The following TRIM52 variants were observed in gnomAD, a reference collection of about 807,000 sequenced individuals.
TRIM52 encodes tripartite motif containing 52, also known as E3 ubiquitin-protein ligase TRIM52.
In TRIM52, 24 loss-of-function variants were observed where a neutral mutation model predicts 27.0. That is an observed-to-expected ratio of 0.89 (90% CI 0.64 to 1.25). The LOEUF (loss-of-function observed/expected upper bound fraction) is 1.25. Ranked by LOEUF, TRIM52 falls within the 50% of genes most tolerant of loss-of-function variation. The pLI, the probability that TRIM52 is intolerant of heterozygous loss-of-function variation, is 0.00. For synonymous variants in TRIM52, 125 were observed against 126.5 expected, an observed-to-expected ratio of 0.99 and a Z score of 0.08; for missense variants, 351 against 354.7, an observed-to-expected ratio of 0.99 and a Z score of 0.08.
chr5:181,258,944 A>C (rs953917240), intron 1 of TRIM52: 1 of 152,216 alleles, frequency 6.6e-6, no homozygotes, highest in African/African-American at 2.4e-5. Flanking sequence ...ACTGTAAAGC[A>C]CTACTAAGAC....
Position 181,260,014 on chromosome 5 carries a change from A to T in TRIM52, c.800T>A (p.Val267Glu). 3 of 1,613,758 alleles carry T rather than the reference A, an allele frequency of 1.9e-6. No homozygotes were observed. The highest frequency in any genetic ancestry group is 2.5e-6 in the Non-Finnish European group (3 of 1,180,022). The change falls in exon 1 of 2, where the codon GTG (valine) becomes GAG (glutamate). Residue 267 changes from valine to glutamate, a missense_variant. Transcript: ENST00000688015. This position sits in a 1 kb window ranked among gnomAD's most constrained non-coding sequence, Gnocchi z 4.4. ...QHSVLPLEEV[V>E]QEYQKIGSTS... is the part of the protein sequence containing the mutation. ...CATTTCTCTCACCTGGTACTCCTGCACCACCTCCTCCAAAGGCAGCACGCT... is the reference window on the plus strand; with the variant it reads ...CATTTCTCTCACCTGGTACTCCTGCTCCACCTCCTCCAAAGGCAGCACGCT...
At chr5:181,259,814 T>C in intron 1 of TRIM52, 187 bp downstream of exon 1, 1 of 1,359,270 alleles carries the variant, frequency 7.4e-7, no homozygotes, top group Admixed American at 2.5e-5. Flanking sequence ...TGCCCCAATC[T>C]TCATGGTTTT....
At position 181,256,697 on chromosome 5, in the gene TRIM52, A is replaced by G; in HGVS notation, c.*112T>C. 1.4e-6 allele frequency: 1 copy of G among 698,182 alleles called. No homozygotes were observed. Among genetic ancestry groups the G allele is most frequent in the Non-Finnish European group, 1.8e-6 (1 of 567,496 alleles). 43.2% of individuals were successfully genotyped at this position (698,182 alleles called of 1,614,324 possible). A position where few individuals can be genotyped will look rare whatever the true frequency, so the allele number is the denominator to read the frequency against. On this transcript the variant is annotated 3_prime_UTR_variant, in exon 2 of 2. Transcript: ENST00000688015. Reference sequence around the variant, plus strand: ...TAATATTAAGCTTTCACGGCTTGGAAGATTCCTGTGAATATTTCAATACTG... The same window carrying G: ...TAATATTAAGCTTTCACGGCTTGGAGGATTCCTGTGAATATTTCAATACTG...
intron 1 of TRIM52, 101 bp from the exon 2 acceptor site, chr5:181,256,960 A>T (rs921142887): frequency 1.0e-6 from 1 of 986,286 alleles, no homozygotes; most frequent in East Asian, 1.1e-4. Context: ...AACAAGGAGT[A>T]CTGATGATGG....
At chr5:181,253,921 T>C (rs563243974), downstream of TRIM52, among the ~76,000 whole-genome samples, 2 of 143,026 alleles carry the variant, frequency 1.4e-5, no homozygotes, top group South Asian at 2.2e-4. Context: ...GAGTGAGCTG[T>C]GATTGCACTA....
Position 181,260,914 on chromosome 5 carries a change from T to A in TRIM52, c.-101A>T. The stretch of plus-strand genomic sequence containing the variant: ...AAACTACTCTGGTGACCCGAGGCTG[T>A]CCTCAACCTTGCTCTTCTTCCTCGG... On this transcript the variant is annotated 5_prime_UTR_variant, in exon 1 of 2. Transcript: ENST00000688015. The surrounding 1 kb of genome is among the most constrained non-coding windows in gnomAD (Gnocchi z 4.4). The A allele has an allele frequency of 1.4e-6, 2 of 1,453,324 alleles. No individual in the cohort carries two copies. Among genetic ancestry groups the A allele is most frequent in the Admixed American group, 5.5e-5 (2 of 36,536 alleles). The allele number at this position is 1,453,324 out of a possible 1,614,324, so 90.0% of individuals were successfully genotyped here. A position where few individuals can be genotyped will look rare whatever the true frequency, so the allele number is the denominator to read the frequency against.
Position 181,260,486 on chromosome 5 carries a change from C to T in TRIM52, c.328G>A (p.Gly110Ser). Residue 110 changes from glycine (G) to serine (S), a missense_variant, in exon 1 of 2, where the codon GGT (glycine) becomes AGT (serine). Physicochemically the swap from Gly to Ser is moderately conservative, Grantham distance 56. Coordinates refer to ENST00000688015, the MANE Select transcript of TRIM52 (RefSeq NM_001346048.2). The surrounding 1 kb of genome is among the most constrained non-coding windows in gnomAD (Gnocchi z 4.4). Reference protein sequence around the residue: ...DDDELWLGDSGITNWDNVDYM... With the variant: ...DDDELWLGDSSITNWDNVDYM... ...TCTACGTTGTCCCAATTAGTTATAC[C>T]ACTGTCACCGAGCCAGAGTTCATCG... 6.2e-7 allele frequency: 1 copy of T among 1,613,892 alleles called. No homozygotes were observed. The highest frequency in any genetic ancestry group is 8.5e-7 in the Non-Finnish European group (1 of 1,179,992).
chr5:181,259,482 C>G lies in TRIM52; in HGVS notation c.813+519G>C, dbSNP rs1031704801. The G allele has an allele frequency of 1.0e-4, 15 of 147,542 alleles. No individual in the cohort carries two copies. In the South Asian group the frequency reaches 1.9e-3, roughly 19 times the overall value. The allele number at this position is 147,542 out of a possible 1,614,324, so 9.1% of individuals were successfully genotyped here. The stretch of plus-strand genomic sequence containing the variant: ...CCCACTGAAGGTAGAGATGCAATCC[C>G]AGACTTTCAGAGGGGGGGTGTGGCC... On this transcript the variant is annotated intron_variant, in intron 1 of 1. Coordinates refer to ENST00000688015, the MANE Select transcript of TRIM52 (RefSeq NM_001346048.2).
rs763023671 is a variant in TRIM52 at position 181,260,325 on chromosome 5, T to C, written c.489A>G (p.Glu163=). Residue 163 remains glutamate (E), a synonymous_variant, in exon 1 of 2, where the codon GAA becomes GAG. Transcript: ENST00000688015. The surrounding 1 kb of genome is among the most constrained non-coding windows in gnomAD (Gnocchi z 4.4). ...GCGGGTGGATGTCAGGATACAGCTC[T>C]TCATCTTCGTCCTCATCGTATGCTT... ...ILEAYDEDED[E]ELYPDIHPPP... 3 of 1,614,108 alleles carry C rather than the reference T, an allele frequency of 1.9e-6. No homozygotes were observed. The highest frequency in any genetic ancestry group is 1.1e-5 in the South Asian group (1 of 91,062).
chr5:181,259,984 T>A lies in TRIM52; in HGVS notation c.813+17A>T. 6.2e-7 allele frequency: 1 copy of A among 1,612,982 alleles called. No homozygotes were observed. The highest frequency in any genetic ancestry group is 8.5e-7 in the Non-Finnish European group (1 of 1,179,978). ...TTCCACTCCCTTCATCCCCCCACAT[T>A]CCCTCATTTCTCTCACCTGGTACTC... On this transcript the variant is annotated intron_variant, in intron 1 of 1. Coordinates refer to ENST00000688015, the MANE Select transcript of TRIM52 (RefSeq NM_001346048.2).
In TRIM52 at chr5:181,261,067, C is replaced by G. The variant is rs1760048838; in HGVS notation, c.-254G>C. On this transcript the variant is annotated 5_prime_UTR_variant, in exon 1 of 2. Transcript: ENST00000688015. ...CCAGCTGCTCGGTCCTGTCACGTCTCTCGCTACCCTCAGGGTGTGCCCTAC... is the reference window on the plus strand; with the variant it reads ...CCAGCTGCTCGGTCCTGTCACGTCTGTCGCTACCCTCAGGGTGTGCCCTAC... 1 of 495,462 alleles carries G rather than the reference C, an allele frequency of 2.0e-6. No individual in the cohort carries two copies. The highest frequency in any genetic ancestry group is 1.9e-5 in the African/African-American group (1 of 52,402). 30.7% of individuals were successfully genotyped at this position (495,462 alleles called of 1,614,324 possible). A position where few individuals can be genotyped will look rare whatever the true frequency, so the allele number is the denominator to read the frequency against.
downstream of TRIM52, among the ~76,000 whole-genome samples, chr5:181,252,366 A>T (rs926929135): frequency 1.2e-4 from 19 of 152,228 alleles, no homozygotes; most frequent in African/African-American, 4.6e-4. Flanking sequence ...TAAATTAAAT[A>T]CTATCTTAAA....
intron 1 of TRIM52, chr5:181,259,036 T>C (rs1225922654): frequency 1.3e-5 from 2 of 152,156 alleles, no homozygotes; most frequent in African/African-American, 2.4e-5. Context: ...CTGCTAGGAG[T>C]CAAATCTACC....
At position 181,256,895 on chromosome 5, in the gene TRIM52, C is replaced by G. The variant is rs908231272; in HGVS notation, c.814-36G>C. On this transcript the variant is annotated intron_variant, in intron 1 of 1. Transcript: ENST00000688015. ...ACATGAGTATATACTTGAGAAAAGC[C>G]TCAACATTTTTTTTTGGCTGCCATT... 7 of 985,446 alleles carry G rather than the reference C, an allele frequency of 7.1e-6. No homozygotes were observed. The African/African-American group carries it at 1.2e-4, about 17-fold the overall frequency. 61.0% of individuals were successfully genotyped at this position (985,446 alleles called of 1,614,324 possible). A position where few individuals can be genotyped will look rare whatever the true frequency, so the allele number is the denominator to read the frequency against.
chr5:181,260,823 C>T lies in TRIM52; in HGVS notation c.-10G>A, dbSNP rs769132047. The T allele has an allele frequency of 6.4e-7, 1 of 1,572,304 alleles. No homozygotes were observed. The highest frequency in any genetic ancestry group is 1.2e-5 in the South Asian group (1 of 84,686). ...TGGCATAACCAGCCATCTTAATGCCCGCCGGCAGGTGTAGATACGTCAGCT... is the reference window on the plus strand; with the variant it reads ...TGGCATAACCAGCCATCTTAATGCCTGCCGGCAGGTGTAGATACGTCAGCT... On this transcript the variant is annotated 5_prime_UTR_variant, in exon 1 of 2. Coordinates refer to ENST00000688015, the MANE Select transcript of TRIM52 (RefSeq NM_001346048.2). This position sits in a 1 kb window ranked among gnomAD's most constrained non-coding sequence, Gnocchi z 4.4.
rs1322041122 is a variant in TRIM52, at chr5:181,259,983, T to C, written c.813+18A>G. The C allele has an allele frequency of 1.9e-6, 3 of 1,612,854 alleles. No homozygotes were observed. The East Asian group carries it at 6.7e-5, about 36-fold the overall frequency. ...TTTCCACTCCCTTCATCCCCCCACA[T>C]TCCCTCATTTCTCTCACCTGGTACT... is the stretch of plus-strand genomic sequence containing the variant. On this transcript the variant is annotated intron_variant, in intron 1 of 1. Coordinates refer to ENST00000688015, the MANE Select transcript of TRIM52 (RefSeq NM_001346048.2).
downstream of TRIM52, among the ~76,000 whole-genome samples, chr5:181,252,289 T>C (rs893560768): frequency 3.9e-5 from 6 of 152,248 alleles, no homozygotes; most frequent in Admixed American, 6.5e-5. Context: ...AACTAGACTT[T>C]GGTTGTACAG....
chr5:181,259,508 A>C, intron 1 of TRIM52: 1 of 183,044 alleles, frequency 5.5e-6, no homozygotes, highest in East Asian at 1.4e-4. Context: ...GGGTGTGGCC[A>C]ATTGCTATCA....
At position 181,260,408 on chromosome 5, in the gene TRIM52, G is replaced by A. The variant is rs1759998119; in HGVS notation, c.406C>T (p.Leu136=). The A allele has an allele frequency of 8.7e-6, 14 of 1,604,308 alleles. No homozygotes were observed. The East Asian group carries it at 1.3e-4, about 15-fold the overall frequency. Residue 136 remains leucine, a synonymous_variant, in exon 1 of 2, where the codon CTA becomes TTA. Transcript: ENST00000688015. This position sits in a 1 kb window ranked among gnomAD's most constrained non-coding sequence, Gnocchi z 4.4. ...CTCAGGTCAGGTCTCAAGCCTCCTA[G>A]GTAATAGTCCTGATCTTCCTCTTCT... The part of the protein sequence containing the change: ...EEEEEDQDYY[L]GGLRPDLRID...
Sources: allele counts gnomAD v4.1 joint callset (sites outside exome capture counted in the v4.1 genomes callset), GRCh38; gene constraint gnomAD v4.1.1; non-coding constraint Gnocchi (gnomAD v3.1); transcripts MANE v1.5; gene names NCBI Gene and HGNC (gene_info 2026-07-23, HGNC 2026-07-21).